CCDC85A: variants seen among roughly 807,000 people sequenced by gnomAD.
CCDC85A encodes coiled-coil domain-containing protein 85A.
In CCDC85A, 38 loss-of-function variants were observed where a neutral mutation model predicts 50.2. The observed-to-expected ratio is 0.76, with a 90% CI of 0.58 to 0.99. CCDC85A has a LOEUF of 0.99. Among genes scored for constraint, CCDC85A ranks in the 50% least tolerant of loss-of-function variants. CCDC85A has a pLI of 0.00. For synonymous variants in CCDC85A, 366 were observed against 301.4 expected, an observed-to-expected ratio of 1.21 and a Z score of -2.22; for missense variants, 820 against 742.0, an observed-to-expected ratio of 1.11 and a Z score of -1.22.
intron 2 of CCDC85A, among the ~76,000 whole-genome samples, chr2:56,200,587 G>A (rs949630463): frequency 6.6e-6 from 1 of 152,154 alleles, no homozygotes; most frequent in Non-Finnish European, 1.5e-5. Context: ...GTTTCCAATA[G>A]AAAGAACCTC....
chr2:56,322,415 A>G (rs1163039673), intron 2 of CCDC85A, among the ~76,000 whole-genome samples: 1 of 152,246 alleles, frequency 6.6e-6, no homozygotes. Flanking sequence ...GCTAGTATCC[A>G]GAATCTACAA....
chr2:56,307,991 T>C (rs1390136104), intron 2 of CCDC85A, among the ~76,000 whole-genome samples: 2 of 152,218 alleles, frequency 1.3e-5, no homozygotes, highest in African/African-American at 2.4e-5. Flanking sequence ...CTTTAGGAAG[T>C]GTGTTTTACA....
chr2:56,332,454 A>C (rs73940664), intron 2 of CCDC85A, among the ~76,000 whole-genome samples: 30,344 of 151,696 alleles, frequency 0.2, 4,176 homozygotes, highest in African/African-American at 0.39. Flanking sequence ...ATCTTTCAAG[A>C]CTCTTTTATA....
rs183065921 is a variant in CCDC85A, at chr2:56,321,462, G to A, written c.1241-21417G>A. ...AGCAAAGTCTCAGGATACAAAATCA[G>A]TGTGCAAAAATCACACGCATTCCTA... On this transcript the variant is annotated intron_variant, in intron 2 of 5. Coordinates refer to ENST00000407595, the MANE Select transcript of CCDC85A (RefSeq NM_001080433.2). 3.3e-5 allele frequency among the ~76,000 whole-genome samples: 5 copies of A among 152,186 alleles called. No individual in the cohort carries two copies. The East Asian group carries it at 7.7e-4, about 24-fold the overall frequency.
intron 2 of CCDC85A, among the ~76,000 whole-genome samples, chr2:56,272,692 G>C (rs1436043081): frequency 6.6e-6 from 1 of 152,158 alleles, no homozygotes; most frequent in Non-Finnish European, 1.5e-5. Flanking sequence ...CAGAATATTA[G>C]CACCTTGAGA....
intron 3 of CCDC85A, among the ~76,000 whole-genome samples, chr2:56,370,530 T>C (rs2104388257): frequency 6.6e-6 from 1 of 152,266 alleles, no homozygotes; most frequent in East Asian, 1.9e-4. Flanking sequence ...CCCCTGTTTA[T>C]TGTTCCCCCT....
At chr2:56,270,718 T>G (rs961054095) in intron 2 of CCDC85A, among the ~76,000 whole-genome samples, 1 of 152,230 alleles carries the variant, frequency 6.6e-6, no homozygotes, top group African/African-American at 2.4e-5. Context: ...GCTTTGCGTG[T>G]GCAGTTGAAG....
intron 2 of CCDC85A, among the ~76,000 whole-genome samples, chr2:56,248,195 G>A (rs927092676): frequency 3.9e-5 from 6 of 152,194 alleles, no homozygotes; most frequent in African/African-American, 7.2e-5. Context: ...AAACATTGGC[G>A]CTAGAGAAAG....
intron 2 of CCDC85A, among the ~76,000 whole-genome samples, chr2:56,202,469 C>G (rs1340053080): frequency 1.3e-5 from 2 of 152,170 alleles, no homozygotes; most frequent in Admixed American, 1.3e-4. Flanking sequence ...CTGGTCCTTA[C>G]ATAGCCACTT....
intron 1 of CCDC85A, chr2:56,185,590 A>G (rs1350328305): frequency 6.6e-6 from 1 of 152,426 alleles, no homozygotes; most frequent in African/African-American, 2.4e-5. Flanking sequence ...GAGACTCAGT[A>G]TGGAAGGAGC....
rs145336625 is a variant in CCDC85A, at chr2:56,356,490, G to A, written c.1317+13535G>A. Among the ~76,000 whole-genome samples, 850 of 152,262 alleles carry A rather than the reference G, an allele frequency of 5.6e-3. 4 individuals carry two copies. The highest frequency in any genetic ancestry group is 0.021 in the Middle Eastern group (6 of 290). On this transcript the variant is annotated intron_variant, in intron 3 of 5. Transcript: ENST00000407595. ...TTGCCAATTGAAAAAGACTTTGGCT[G>A]TGATAGGCTGAGCCAGGTGGATCAC...
At chr2:56,336,977 AAC>A (rs1391653406) in intron 2 of CCDC85A, among the ~76,000 whole-genome samples, 1 of 152,248 alleles carries the variant, frequency 6.6e-6, no homozygotes, top group African/African-American at 2.4e-5. Flanking sequence ...CGAGTAATGA[AAC>A]ACAATTGTTT....
intron 3 of CCDC85A, among the ~76,000 whole-genome samples, chr2:56,358,329 T>C (rs1206904668): frequency 6.6e-6 from 1 of 152,228 alleles, no homozygotes; most frequent in Non-Finnish European, 1.5e-5. Context: ...TTTAGAACTC[T>C]TAAGAAATTT....
intron 3 of CCDC85A, among the ~76,000 whole-genome samples, chr2:56,344,788 A>G (rs11683066): frequency 0.19 from 29,475 of 152,072 alleles, 3,427 homozygotes; most frequent in East Asian, 0.39. Flanking sequence ...TTTATTATAC[A>G]TGGTTGTGCC....
intron 2 of CCDC85A, among the ~76,000 whole-genome samples, chr2:56,252,391 G>T (rs1669801408): frequency 6.6e-6 from 1 of 152,118 alleles, no homozygotes; most frequent in South Asian, 2.1e-4. Context: ...GTATTGTAGG[G>T]TCAATGACAG....
chr2:56,329,945 G>GTTTTTTTTTTTTTTTTT, intron 2 of CCDC85A, among the ~76,000 whole-genome samples: 1 of 44,162 alleles, frequency 2.3e-5, no homozygotes, highest in African/African-American at 7.2e-5. Context: ...CAGATTTCCT[G>GTTTTTTTTTTTTTTTTT]TTTTTTTTTT....
At chr2:56,264,860 G>A (rs949102421) in intron 2 of CCDC85A, among the ~76,000 whole-genome samples, 4 of 152,048 alleles carry the variant, frequency 2.6e-5, no homozygotes, top group Admixed American at 6.6e-5. Context: ...TTAGTCACAC[G>A]AAGTAGGCCC....
chr2:56,196,703 T>A (rs1254086865), intron 2 of CCDC85A, among the ~76,000 whole-genome samples: 3 of 152,272 alleles, frequency 2.0e-5, no homozygotes, highest in South Asian at 2.1e-4. Context: ...CAAAGAAGAT[T>A]CTGATGATCA....
chr2:56,337,110 G>A lies in CCDC85A; in HGVS notation c.1241-5769G>A, dbSNP rs1338437018. On this transcript the variant is annotated intron_variant, in intron 2 of 5. Transcript: ENST00000407595. ...AGAAGTTGAATTAGAAAAGCTCTAA[G>A]GTACGTAGTACCAGTAAAATTTGAA... 2.6e-5 allele frequency among the ~76,000 whole-genome samples: 4 copies of A among 152,160 alleles called. No individual in the cohort carries two copies. The South Asian group carries it at 6.2e-4, about 24-fold the overall frequency.
Sources: gnomAD v4.1 joint callset for allele counts (sites outside exome capture counted in the v4.1 genomes callset) on GRCh38, gnomAD v4.1.1 for gene constraint, MANE v1.5 for transcripts, NCBI Gene and HGNC (gene_info 2026-07-23, HGNC 2026-07-21) for gene names.